DDX31: variants seen among roughly 807,000 people sequenced by gnomAD.
The protein encoded by DDX31 is DEAD-box helicase 31.
A neutral mutation model predicts 91.3 loss-of-function variants in DDX31; 70 were observed. The observed-to-expected ratio is 0.77, with a 90% CI of 0.63 to 0.94. DDX31 has a LOEUF of 0.94. Among genes scored for constraint, DDX31 ranks in the 40% least tolerant of loss-of-function variants. DDX31 has a pLI of 0.00. For missense variants in DDX31, 902 were observed against 925.0 expected (o/e 0.98, Z 0.32); for synonymous variants, 362 against 350.6 (o/e 1.03, Z -0.36).
chr9:132,644,122 A>G (rs1833667530), intron 13 of DDX31, among the ~76,000 whole-genome samples: 2 of 152,122 alleles, frequency 1.3e-5, no homozygotes, highest in African/African-American at 4.8e-5. Context: ...GGAACAAGAA[A>G]CTCACCCCTA....
At chr9:132,658,295 G>T (rs765048835) in intron 6 of DDX31, 40 of 703,126 alleles carry the variant, frequency 5.7e-5, no homozygotes, top group Non-Finnish European at 8.8e-5. Context: ...TTGCTGCATG[G>T]CCTTGGTTAT....
chr9:132,643,968 A>G (rs1361045470), intron 13 of DDX31, among the ~76,000 whole-genome samples: 1 of 152,122 alleles, frequency 6.6e-6, no homozygotes, highest in Non-Finnish European at 1.5e-5. Flanking sequence ...CACAACTACC[A>G]TGCAAATAGT....
intron 3 of DDX31, among the ~76,000 whole-genome samples, chr9:132,661,538 G>T (rs1263398914): frequency 6.6e-6 from 1 of 152,050 alleles, no homozygotes; most frequent in Non-Finnish European, 1.5e-5. Flanking sequence ...ATCCTACAGT[G>T]CACAGGACAG....
chr9:132,663,604 G>A, intron 1 of DDX31: 1 of 829,058 alleles, frequency 1.2e-6, no homozygotes, highest in Non-Finnish European at 1.5e-6. Flanking sequence ...AGTAGCCAGT[G>A]CTTGTTATTC....
chr9:132,613,885 T>A (rs1479320037), intron 18 of DDX31, among the ~76,000 whole-genome samples: 1 of 152,146 alleles, frequency 6.6e-6, no homozygotes, highest in Non-Finnish European at 1.5e-5. Context: ...TCCACCCGCT[T>A]CTCACTCCAA....
intron 6 of DDX31, chr9:132,658,309 A>G: frequency 1.4e-6 from 1 of 703,304 alleles, no homozygotes; most frequent in Non-Finnish European, 2.6e-6. Flanking sequence ...TGGTTATTTA[A>G]CTTTCCTAAG....
Position 132,594,673 on chromosome 9 carries a change from C to T in DDX31, c.*193G>A, listed in dbSNP as rs868674087. 3 of 888,538 alleles carry T rather than the reference C, an allele frequency of 3.4e-6. No individual in the cohort carries two copies. Among genetic ancestry groups the T allele is most frequent in the South Asian group, 1.7e-5 (1 of 59,926 alleles). 55.0% of individuals were successfully genotyped at this position (888,538 alleles called of 1,614,324 possible). On this transcript the variant is annotated 3_prime_UTR_variant, in exon 20 of 20. Coordinates refer to ENST00000372159, the MANE Select transcript of DDX31 (RefSeq NM_022779.9). Reference sequence around the variant, plus strand: ...CGGGAGCTGGCTAGTCTCTACAGTGCCCCACACCACTGATTTCTATCAGGC... The same window carrying T: ...CGGGAGCTGGCTAGTCTCTACAGTGTCCCACACCACTGATTTCTATCAGGC...
At chr9:132,649,513 C>A (rs1834047813) in intron 9 of DDX31, among the ~76,000 whole-genome samples, 2 of 152,172 alleles carry the variant, frequency 1.3e-5, no homozygotes, top group African/African-American at 2.4e-5. Flanking sequence ...GAGCACCAGG[C>A]CAGCCTTGGA....
chr9:132,643,368 C>T (rs1826092464), intron 13 of DDX31, among the ~76,000 whole-genome samples: 1 of 152,146 alleles, frequency 6.6e-6, no homozygotes, highest in Admixed American at 6.5e-5. Context: ...AGAAATAGAA[C>T]CAAACTACTC....
rs1835045204 is a variant in DDX31, at chr9:132,662,613, G to A, written c.158C>T (p.Pro53Leu). 1 of 1,614,070 alleles carries A rather than the reference G, an allele frequency of 6.2e-7. No individual in the cohort carries two copies. The highest frequency in any genetic ancestry group is 1.3e-5 in the African/African-American group (1 of 74,926). ...TTCTTTAACACTAGTTTTCTTGGCT[G>A]GGAGAAATGAAGTTTCGTTCCTCCG... The part of the protein sequence containing the change: ...AKRRNETSFL[P>L]AKKTSVKETQ... The change falls in exon 2 of 20, where the codon CCA becomes CTA. Residue 53 changes from proline (P) to leucine (L), a missense_variant. By Grantham distance (98) the Pro-to-Leu change is moderately conservative. Coordinates refer to ENST00000372159, the MANE Select transcript of DDX31 (RefSeq NM_022779.9).
intron 14 of DDX31, among the ~76,000 whole-genome samples, chr9:132,639,363 G>C (rs961113713): frequency 7.2e-5 from 11 of 152,136 alleles, no homozygotes; most frequent in Non-Finnish European, 1.3e-4. Flanking sequence ...ACAGCAAAGA[G>C]AGTCCCCAGA....
Position 132,612,084 on chromosome 9 carries a change from T to C in DDX31, c.1994+3A>G, listed in dbSNP as rs368964816. ...GTCACGGGACGAATTCAGCTCATCTTACCTTTTCACGTGTGCTTTCCTCTT... is the reference window on the plus strand; with the variant it reads ...GTCACGGGACGAATTCAGCTCATCTCACCTTTTCACGTGTGCTTTCCTCTT... On this transcript the variant is annotated splice_donor_region_variant and intron_variant, in intron 19 of 19. Transcript: ENST00000372159. 1.2e-6 allele frequency: 2 copies of C among 1,612,832 alleles called. No individual in the cohort carries two copies. Among genetic ancestry groups the C allele is most frequent in the East Asian group, 2.2e-5 (1 of 44,860 alleles).
chr9:132,647,942 T>G (rs1833937152), intron 11 of DDX31, among the ~76,000 whole-genome samples: 1 of 152,162 alleles, frequency 6.6e-6, no homozygotes, highest in Non-Finnish European at 1.5e-5. Context: ...CAGTCTTTTC[T>G]CGTCCTCATC....
intron 19 of DDX31, among the ~76,000 whole-genome samples, chr9:132,603,612 A>G (rs1406726594): frequency 6.6e-6 from 1 of 152,184 alleles, no homozygotes; most frequent in Non-Finnish European, 1.5e-5. Context: ...AGCAAGGACG[A>G]GCTAATGAAG....
At chr9:132,618,536 A>T in intron 17 of DDX31, 95 bp from the exon 18 acceptor site, 1 of 1,017,012 alleles carries the variant, frequency 9.8e-7, no homozygotes, top group Non-Finnish European at 1.4e-6. Flanking sequence ...AAAATCACAC[A>T]GTAACCACCT....
chr9:132,612,329 G>T, intron 18 of DDX31, 74 bp from the exon 19 acceptor site: 1 of 1,536,788 alleles, frequency 6.5e-7, no homozygotes, highest in Non-Finnish European at 8.9e-7. Flanking sequence ...CGGCCTAATG[G>T]TTATCTTCTG....
chr9:132,645,885 CAGT>C lies in DDX31; in HGVS notation c.1380+7_1380+9del. ...CAGTGTTGTCGCTGCACAGGGAGAT[CAGT>C]GCTCACCTCCTGCTCCATGCCGCCA... is the stretch of plus-strand genomic sequence containing the variant. On this transcript the variant is annotated splice_region_variant and intron_variant, in intron 13 of 19. Coordinates refer to ENST00000372159, the MANE Select transcript of DDX31 (RefSeq NM_022779.9). 1 of 1,604,928 alleles carries C rather than the reference CAGT, an allele frequency of 6.2e-7. No homozygotes were observed. The highest frequency in any genetic ancestry group is 8.5e-7 in the Non-Finnish European group (1 of 1,173,856).
At position 132,612,076 on chromosome 9, in the gene DDX31, G is replaced by A. The variant is rs746707235; in HGVS notation, c.1994+11C>T. On this transcript the variant is annotated intron_variant, in intron 19 of 19. Coordinates refer to ENST00000372159, the MANE Select transcript of DDX31 (RefSeq NM_022779.9). Reference sequence around the variant, plus strand: ...CTAGCCCCGTCACGGGACGAATTCAGCTCATCTTACCTTTTCACGTGTGCT... The same window carrying A: ...CTAGCCCCGTCACGGGACGAATTCAACTCATCTTACCTTTTCACGTGTGCT... The A allele has an allele frequency of 6.2e-7, 1 of 1,610,440 alleles. No homozygotes were observed. Among genetic ancestry groups the A allele is most frequent in the Non-Finnish European group, 8.5e-7 (1 of 1,177,000 alleles).
At position 132,658,726 on chromosome 9, in the gene DDX31, A is replaced by G; in HGVS notation, c.533T>C (p.Leu178Pro). The G allele has an allele frequency of 1.2e-6, 2 of 1,613,876 alleles. No individual in the cohort carries two copies. The highest frequency in any genetic ancestry group is 1.3e-5 in the African/African-American group (1 of 75,036). The stretch of plus-strand genomic sequence containing the variant: ...CTGGACCACAGGGATGCAATAGGCA[A>G]GAGTTTTACCTTTCAAAAAAAAAGC... ...VRSQTGSGKT[L>P]AYCIPVVQSL... Residue 178 changes from leucine to proline, a missense_variant, in exon 6 of 20, where the codon CTT (leucine) becomes CCT (proline). By Grantham distance (98) the Leu-to-Pro change is moderately conservative (BLOSUM62 -3). Coordinates refer to ENST00000372159, the MANE Select transcript of DDX31 (RefSeq NM_022779.9).
Sources: allele counts gnomAD v4.1 joint callset (sites outside exome capture counted in the v4.1 genomes callset), GRCh38; gene constraint gnomAD v4.1.1; transcripts MANE v1.5; gene names NCBI Gene and HGNC (gene_info 2026-07-23, HGNC 2026-07-21).